Variants in UNC5D observed in about 807,000 individuals in gnomAD.
The protein encoded by UNC5D is netrin receptor UNC5D.
Under a neutral mutation model 105.4 loss-of-function variants are expected in UNC5D, and 39 were observed. The ratio of observed to expected loss-of-function variants is 0.37; its 90% CI spans 0.29 to 0.48. The LOEUF is 0.48. Ranked by LOEUF, UNC5D falls within the 20% of genes least tolerant of loss-of-function variation. The probability of loss-of-function intolerance (pLI) is 0.98; values close to 1 mark genes in which losing one functional copy is unlikely to be tolerated. For synonymous variants in UNC5D, 452 were observed against 450.4 expected (o/e 1.00, Z -0.04); for missense variants, 991 against 1,202.4 (o/e 0.82, Z 2.60).
At chr8:35,700,531 C>T (rs1827118997) in intron 7 of UNC5D, among the ~76,000 whole-genome samples, 1 of 152,100 alleles carries the variant, frequency 6.6e-6, no homozygotes, top group African/African-American at 2.4e-5. Context: ...GAAGCAATCC[C>T]TGCAAATGGA....
chr8:35,345,887 T>C (rs560611995), intron 1 of UNC5D, among the ~76,000 whole-genome samples: 2 of 152,136 alleles, frequency 1.3e-5, no homozygotes, highest in East Asian at 3.9e-4. Flanking sequence ...GTAAAGAGCA[T>C]CACCAACTGA....
At chr8:35,759,081 C>A (rs1186855972) in intron 13 of UNC5D, among the ~76,000 whole-genome samples, 1 of 152,136 alleles carries the variant, frequency 6.6e-6, no homozygotes, top group Non-Finnish European at 1.5e-5. Flanking sequence ...AAAGCCTAAA[C>A]AACACAAATA....
At chr8:35,774,597 T>C in intron 16 of UNC5D, 120 bp downstream of exon 16, 1 of 1,310,956 alleles carries the variant, frequency 7.6e-7, no homozygotes, top group Non-Finnish European at 1.0e-6. Flanking sequence ...TCTGGCCATA[T>C]TTCCTGTGTG....
intron 1 of UNC5D, among the ~76,000 whole-genome samples, chr8:35,336,525 G>A (rs1003468081): frequency 6.6e-6 from 1 of 152,122 alleles, no homozygotes; most frequent in Non-Finnish European, 1.5e-5. Flanking sequence ...GCGTGTGACT[G>A]GATTCAATGC....
In UNC5D at chr8:35,520,041, AC is replaced by A. The variant is rs772044874; in HGVS notation, c.104-29244del. Among the ~76,000 whole-genome samples the A allele has an allele frequency of 5.1e-4, 78 of 151,606 alleles. 1 individual carries two copies. Among genetic ancestry groups the A allele is most frequent in the Non-Finnish European group, 9.6e-4 (65 of 67,856 alleles). On this transcript the variant is annotated intron_variant, in intron 1 of 16. Coordinates refer to ENST00000404895, the MANE Select transcript of UNC5D (RefSeq NM_080872.4). ...AAGTTAACCATAGAGCTGCCATATG[AC>A]CCCCCCAATTTTACACCTAGGTTAT...
chr8:35,729,612 G>A (rs540894616), intron 10 of UNC5D, among the ~76,000 whole-genome samples: 5 of 152,270 alleles, frequency 3.3e-5, no homozygotes, highest in South Asian at 2.1e-4. Context: ...GTTGACTTCC[G>A]AGCACACTGG....
chr8:35,428,346 ATTTTTTTTT>A (rs35131097), intron 1 of UNC5D, among the ~76,000 whole-genome samples: 2 of 92,810 alleles, frequency 2.2e-5, no homozygotes, highest in Admixed American at 1.3e-4. Flanking sequence ...ATGCCTGGCT[ATTTTTTTTT>A]TTTTTTTTTT....
chr8:35,544,324 A>G (rs1432232961), intron 1 of UNC5D: 37 of 1,476,864 alleles, frequency 2.5e-5, no homozygotes, highest in Non-Finnish European at 3.2e-5. Flanking sequence ...TTTGTGTAAG[A>G]AGGAAGATGC....
intron 2 of UNC5D, among the ~76,000 whole-genome samples, chr8:35,566,719 G>T (rs1400165375): frequency 6.6e-6 from 1 of 152,166 alleles, no homozygotes; most frequent in East Asian, 1.9e-4. Context: ...ACAGAGTACC[G>T]TGGAAATGTA....
chr8:35,291,087 AG>A (rs1248790750), intron 1 of UNC5D, among the ~76,000 whole-genome samples: 2 of 152,150 alleles, frequency 1.3e-5, no homozygotes. Flanking sequence ...CAGTAAACCA[AG>A]TGGAAACTGA....
At chr8:35,657,076 GTGTGTATATATATA>G (rs1258663065) in intron 4 of UNC5D, among the ~76,000 whole-genome samples, 2,296 of 93,492 alleles carry the variant, frequency 0.025, 11 homozygotes, top group Middle Eastern at 0.038. Flanking sequence ...GTGTGTGTGT[GTGTGTATATATATA>G]TATATATATA....
At chr8:35,434,039 G>C (rs546558148) in intron 1 of UNC5D, among the ~76,000 whole-genome samples, 1 of 151,918 alleles carries the variant, frequency 6.6e-6, no homozygotes, top group South Asian at 2.1e-4. Context: ...TTTAAAGCTA[G>C]CTTTTTTTAG....
At chr8:35,367,164 G>T (rs1401555753) in intron 1 of UNC5D, among the ~76,000 whole-genome samples, 1 of 152,104 alleles carries the variant, frequency 6.6e-6, no homozygotes, top group Non-Finnish European at 1.5e-5. Flanking sequence ...TGATCATGGG[G>T]TACTTTTCTG....
chr8:35,561,442 C>A (rs1390854179), intron 2 of UNC5D, among the ~76,000 whole-genome samples: 2 of 152,176 alleles, frequency 1.3e-5, no homozygotes, highest in Non-Finnish European at 2.9e-5. Context: ...TGACTCCTGT[C>A]TCTCAGGACC....
intron 1 of UNC5D, among the ~76,000 whole-genome samples, chr8:35,463,262 T>C (rs945535086): frequency 2.6e-5 from 4 of 152,178 alleles, no homozygotes; most frequent in African/African-American, 9.7e-5. Context: ...ATCAGACTTT[T>C]GAAAAATTAG....
At chr8:35,492,088 C>T (rs1449247598) in intron 1 of UNC5D, among the ~76,000 whole-genome samples, 1 of 150,990 alleles carries the variant, frequency 6.6e-6, no homozygotes, top group African/African-American at 2.4e-5. Context: ...CAGAACATCA[C>T]TTTTCTTCTT....
intron 4 of UNC5D, among the ~76,000 whole-genome samples, chr8:35,663,522 CT>C (rs1012859367): frequency 3.9e-5 from 6 of 152,116 alleles, no homozygotes; most frequent in Admixed American, 2.0e-4. Context: ...TGAAGGTGTT[CT>C]TTTTCGGTAA....
intron 10 of UNC5D, 130 bp downstream of exon 10, chr8:35,726,659 A>T: frequency 7.2e-7 from 1 of 1,384,512 alleles, no homozygotes; most frequent in East Asian, 2.3e-5. Flanking sequence ...CTGCGGCTCC[A>T]CTAGTCCACT....
intron 3 of UNC5D, among the ~76,000 whole-genome samples, chr8:35,579,130 A>G (rs545713506): frequency 2.0e-5 from 3 of 152,068 alleles, no homozygotes; most frequent in Non-Finnish European, 2.9e-5. Flanking sequence ...GAAACTTCCA[A>G]CAGATAATAC....
Sources: gnomAD v4.1 joint callset for allele counts (sites outside exome capture counted in the v4.1 genomes callset) on GRCh38, gnomAD v4.1.1 for gene constraint, MANE v1.5 for transcripts, NCBI Gene and HGNC (gene_info 2026-07-23, HGNC 2026-07-21) for gene names.